The following PHEX variants were observed in gnomAD, a reference collection of about 807,000 sequenced individuals.
PHEX encodes phosphate regulating endopeptidase X-linked.
PHEX carries 16 observed loss-of-function variants against 68.0 expected under a neutral mutation model. The ratio of observed to expected loss-of-function variants is 0.24; its 90% CI spans 0.16 to 0.36. The LOEUF (loss-of-function observed/expected upper bound fraction) is 0.36. PHEX is among the 10% of genes least tolerant of loss of function. PHEX has a pLI of 1.00. For synonymous variants in PHEX, 208 were observed against 205.1 expected (o/e 1.01, Z -0.12); for missense variants, 480 against 575.5 (o/e 0.83, Z 1.70).
chrX:22,095,194 A>G (rs954973389), intron 7 of PHEX, among the ~76,000 whole-genome samples: 6 of 111,600 alleles, frequency 5.4e-5, no homozygotes, highest in Admixed American at 2.9e-4. Flanking sequence ...TCCTACTTGC[A>G]GTGCAAAAAG....
chrX:22,181,429 T>C (rs1933879265), intron 14 of PHEX, among the ~76,000 whole-genome samples: 1 of 111,890 alleles, frequency 8.9e-6, no homozygotes, highest in Admixed American at 9.5e-5. Flanking sequence ...ATTCAGATCT[T>C]TGTGTCTATG....
At chrX:22,109,603 G>A (rs111278016) in intron 9 of PHEX, among the ~76,000 whole-genome samples, 6 of 111,364 alleles carry the variant, frequency 5.4e-5, no homozygotes, top group African/African-American at 2.0e-4. Context: ...GCATCATCAT[G>A]TCATATTGCT....
chrX:22,231,575 T>C (rs1041736319), intron 20 of PHEX, among the ~76,000 whole-genome samples: 1 of 112,018 alleles, frequency 8.9e-6, no homozygotes, highest in Non-Finnish European at 1.9e-5. Flanking sequence ...GTTTATAGTA[T>C]TCTCTGATGG....
At chrX:22,219,465 C>T (rs1294378602) in intron 17 of PHEX, among the ~76,000 whole-genome samples, 1 of 112,551 alleles carries the variant, frequency 8.9e-6, no homozygotes, top group Non-Finnish European at 1.9e-5. Flanking sequence ...GAGGAGCAAG[C>T]TCTGCTCCAA....
Position 22,045,029 on chromosome X carries a change from T to TTG in PHEX, c.188-2005_188-2004dup, listed in dbSNP as rs1261713059. ...CCAATTTTTTGCTAGTGTTTTTTTT[T>TTG]TGTGTGTGTGTGTGTGTTGTTGGGG... On this transcript the variant is annotated intron_variant, in intron 2 of 21. Transcript: ENST00000379374. 1.1e-4 allele frequency among the ~76,000 whole-genome samples: 12 copies of TTG among 106,904 alleles called. No individual in the cohort carries two copies. In the South Asian group the frequency reaches 2.0e-3, roughly 18 times the overall value. 92.8% of individuals were successfully genotyped at this position (106,904 alleles called of 115,157 possible). A position where few individuals can be genotyped will look rare whatever the true frequency, so the allele number is the denominator to read the frequency against.
chrX:22,132,962 C>T (rs1319055309), intron 11 of PHEX, among the ~76,000 whole-genome samples: 2 of 110,651 alleles, frequency 1.8e-5, no homozygotes, highest in African/African-American at 6.6e-5. Context: ...TCATGGCTCA[C>T]TGCAACCTCC....
At chrX:22,161,031 G>A (rs991604887) in intron 12 of PHEX, among the ~76,000 whole-genome samples, 1 of 110,099 alleles carries the variant, frequency 9.1e-6, no homozygotes, top group African/African-American at 3.3e-5. Context: ...GCTACTCGGT[G>A]GGAGGCTGAA....
In PHEX at chrX:22,089,622, C is replaced by T. The variant is rs556644634; in HGVS notation, c.664-807C>T. Among the ~76,000 whole-genome samples, 454 of 107,112 alleles carry T rather than the reference C, an allele frequency of 4.2e-3. 1 individual carries two copies. Among genetic ancestry groups the T allele is most frequent in the African/African-American group, 0.015 (439 of 29,333 alleles). The allele number at this position is 107,112 out of a possible 115,157, so 93.0% of individuals were successfully genotyped here. A position where few individuals can be genotyped will look rare whatever the true frequency, so the allele number is the denominator to read the frequency against. On this transcript the variant is annotated intron_variant, in intron 5 of 21. Coordinates refer to ENST00000379374, the MANE Select transcript of PHEX (RefSeq NM_000444.6). ...TCTTAGTAGAGACGGGGTTTCACCA[C>T]GTTGGCCAGCCTGGTCTCAAACTCC...
chrX:22,089,222 G>A (rs896853941), intron 5 of PHEX, among the ~76,000 whole-genome samples: 12 of 111,173 alleles, frequency 1.1e-4, no homozygotes, highest in African/African-American at 2.3e-4. Context: ...GGGTTTTACC[G>A]TGTTGGCCAG....
chrX:22,234,065 CAGGTCTGCTGG>C (rs945816306), intron 20 of PHEX, among the ~76,000 whole-genome samples: 2 of 112,673 alleles, frequency 1.8e-5, no homozygotes, highest in Admixed American at 9.3e-5. Context: ...TCCTCTGCTG[CAGGTCTGCTGG>C]AGGTGCACTC....
chrX:22,130,013 G>C lies in PHEX; in HGVS notation c.1303-3510G>C, dbSNP rs150375776. ...ATTTTCTCAGTCTTATTGAATGACG[G>C]TGTTTGCCAATATCTTTCTGAAGCC... On this transcript the variant is annotated intron_variant, in intron 11 of 21. Transcript: ENST00000379374. Among the ~76,000 whole-genome samples the C allele has an allele frequency of 2.9e-3, 324 of 111,414 alleles. 1 individual carries two copies. Among genetic ancestry groups the C allele is most frequent in the Middle Eastern group, 0.028 (6 of 217 alleles).
chrX:22,138,644 C>T (rs1460874546), intron 12 of PHEX, among the ~76,000 whole-genome samples: 2 of 112,202 alleles, frequency 1.8e-5, no homozygotes, highest in Non-Finnish European at 3.8e-5. Context: ...GCTGTCACTT[C>T]CCCTTGATAC....
intron 3 of PHEX, among the ~76,000 whole-genome samples, chrX:22,058,844 G>A (rs751904731): frequency 5.9e-4 from 66 of 111,951 alleles, no homozygotes; most frequent in Non-Finnish European, 8.7e-4. Flanking sequence ...TCACTCTGTC[G>A]CCGAGGCTGG....
chrX:22,179,089 C>T (rs1022720696), intron 14 of PHEX, among the ~76,000 whole-genome samples: 1 of 111,614 alleles, frequency 9.0e-6, no homozygotes, highest in African/African-American at 3.2e-5. Flanking sequence ...CTGTTATCCC[C>T]ATTTTACAGG....
At position 22,248,665 on chromosome X, in the gene PHEX, G is replaced by A. The variant is rs1936461745; in HGVS notation, c.*712G>A. 2 of 112,003 alleles carry A rather than the reference G, an allele frequency of 1.8e-5. No homozygotes were observed. Among genetic ancestry groups the A allele is most frequent in the African/African-American group, 6.5e-5 (2 of 30,718 alleles). The allele number at this position is 112,003 out of a possible 1,213,427, so 9.2% of individuals were successfully genotyped here. A position where few individuals can be genotyped will look rare whatever the true frequency, so the allele number is the denominator to read the frequency against. ...TTTGAGTTTATTCAGTAGAAAAAAA[G>A]GGAATGAGGACATATCTTTAGGTCC... On this transcript the variant is annotated 3_prime_UTR_variant, in exon 22 of 22. Coordinates refer to ENST00000379374, the MANE Select transcript of PHEX (RefSeq NM_000444.6).
rs1198426834 is a variant in PHEX at position 22,249,455 on chromosome X, AATATATATATATATATATATATATAT to A, written c.*1509_*1534del. 1 of 39,764 alleles carries A rather than the reference AATATATATATATATATATATATATAT, an allele frequency of 2.5e-5. No individual in the cohort carries two copies. Among genetic ancestry groups the A allele is most frequent in the Non-Finnish European group, 4.1e-5 (1 of 24,474 alleles). The allele number at this position is 39,764 out of a possible 1,213,427, so 3.3% of individuals were successfully genotyped here. A position where few individuals can be genotyped will look rare whatever the true frequency, so the allele number is the denominator to read the frequency against. On this transcript the variant is annotated 3_prime_UTR_variant, in exon 22 of 22. Transcript: ENST00000379374. ...TTGTGATTCTTTTAAAAAAAAAAAA[AATATATATATATATATATATATATAT>A]ATATATGTATATCTACCTAAGTGTG...
At chrX:22,113,943 C>CTTTTTTTTTTTTT (rs746349559) in intron 10 of PHEX, among the ~76,000 whole-genome samples, 2 of 63,992 alleles carry the variant, frequency 3.1e-5, no homozygotes, top group Non-Finnish European at 2.9e-5. Flanking sequence ...TCTTCTTCTT[C>CTTTTTTTTTTTTT]TTTTTTTTTT....
At chrX:22,153,978 G>A (rs1172957377) in intron 12 of PHEX, among the ~76,000 whole-genome samples, 1 of 111,179 alleles carries the variant, frequency 9.0e-6, no homozygotes, top group African/African-American at 3.3e-5. Flanking sequence ...TTTATATCAC[G>A]ACTTACAGCT....
intron 12 of PHEX, among the ~76,000 whole-genome samples, chrX:22,155,154 C>T (rs886993230): frequency 8.9e-6 from 1 of 112,583 alleles, no homozygotes; most frequent in Non-Finnish European, 1.9e-5. Flanking sequence ...GCAGGCAATC[C>T]ACCCGCCTCG....
Sources: gnomAD v4.1 joint callset for allele counts (sites outside exome capture counted in the v4.1 genomes callset) on GRCh38, gnomAD v4.1.1 for gene constraint, MANE v1.5 for transcripts, NCBI Gene and HGNC (gene_info 2026-07-23, HGNC 2026-07-21) for gene names.